The following ROCK2 variants were observed in gnomAD, a reference collection of about 807,000 sequenced individuals.
ROCK2 encodes rho-associated protein kinase 2.
A neutral mutation model predicts 195.1 loss-of-function variants in ROCK2; 61 were observed. The ratio of observed to expected loss-of-function variants is 0.31; its 90% CI spans 0.25 to 0.39. The LOEUF is 0.39. ROCK2 is among the 10% of genes least tolerant of loss of function. ROCK2 has a pLI of 1.00. For missense variants in ROCK2, 1,109 were observed against 1,637.4 expected, an observed-to-expected ratio of 0.68 and a Z score of 5.57; for synonymous variants, 504 against 545.5, an observed-to-expected ratio of 0.92 and a Z score of 1.06.
intron 1 of ROCK2, among the ~76,000 whole-genome samples, chr2:11,317,381 A>T (rs1668227259): frequency 6.6e-6 from 1 of 151,386 alleles, no homozygotes. Flanking sequence ...ATTGAATATT[A>T]ACTCTACCAA....
intron 3 of ROCK2, among the ~76,000 whole-genome samples, chr2:11,279,621 C>G (rs555271221): frequency 1.5e-4 from 23 of 152,152 alleles, no homozygotes; most frequent in Non-Finnish European, 2.5e-4. Flanking sequence ...ATGGACAGAT[C>G]CAGCAGGCAG....
At position 11,344,113 on chromosome 2, in the gene ROCK2, C is replaced by G. The variant is rs1231860496; in HGVS notation, c.24G>C (p.Gly8=). ...CGGTCTCGGGGGCGCCGGGCATTTT[C>G]CCCGTCGGCGGGGGCCGGCTCATGC... MSRPPPT[G]KMPGAPETAP... is the part of the protein sequence containing the mutation. Residue 8 remains glycine, a synonymous_variant, in exon 1 of 33, where the codon GGG becomes GGC. Coordinates refer to ENST00000315872, the MANE Select transcript of ROCK2 (RefSeq NM_004850.5). This position sits in a 1 kb window ranked among gnomAD's most constrained non-coding sequence, Gnocchi z 5.4. The G allele has an allele frequency of 6.7e-7, 1 of 1,495,310 alleles. No homozygotes were observed. The highest frequency in any genetic ancestry group is 1.5e-5 in the African/African-American group (1 of 66,708). 92.6% of individuals were successfully genotyped at this position (1,495,310 alleles called of 1,614,324 possible). A position where few individuals can be genotyped will look rare whatever the true frequency, so the allele number is the denominator to read the frequency against.
At chr2:11,227,460 C>T in intron 5 of ROCK2, 62 bp from the exon 6 acceptor site, 1 of 1,426,838 alleles carries the variant, frequency 7.0e-7, no homozygotes, top group Non-Finnish European at 9.6e-7. Flanking sequence ...CTTATAAATG[C>T]AATGAATCCA....
At chr2:11,272,806 G>T (rs1436349916) in intron 3 of ROCK2, among the ~76,000 whole-genome samples, 1 of 146,860 alleles carries the variant, frequency 6.8e-6, no homozygotes, top group African/African-American at 2.5e-5. Context: ...GGAGACAGAG[G>T]TTACAGTGAG....
At chr2:11,270,998 G>A (rs1332317733) in intron 3 of ROCK2, among the ~76,000 whole-genome samples, 1 of 150,904 alleles carries the variant, frequency 6.6e-6, no homozygotes, top group Admixed American at 6.6e-5. Flanking sequence ...TATAGTTTTA[G>A]GTTCTACAAT....
At chr2:11,190,386 A>G (rs1235988989) in intron 32 of ROCK2, among the ~76,000 whole-genome samples, 5 of 152,012 alleles carry the variant, frequency 3.3e-5, no homozygotes, top group Admixed American at 2.0e-4. Context: ...AAAAAAAGTA[A>G]CAAAAATCAA....
chr2:11,302,191 T>C (rs1045790758), intron 1 of ROCK2, among the ~76,000 whole-genome samples: 1 of 152,216 alleles, frequency 6.6e-6, no homozygotes, highest in African/African-American at 2.4e-5. Context: ...CTTGTTTCCC[T>C]GCCTCTAATC....
intron 1 of ROCK2, among the ~76,000 whole-genome samples, chr2:11,296,390 C>T (rs1469180935): frequency 3.3e-5 from 5 of 152,144 alleles, no homozygotes; most frequent in Non-Finnish European, 5.9e-5. Context: ...TCTTCCCAGC[C>T]TGTTTCTAGT....
intron 1 of ROCK2, among the ~76,000 whole-genome samples, chr2:11,299,990 A>T (rs553935657): frequency 6.6e-6 from 1 of 152,310 alleles, no homozygotes; most frequent in South Asian, 2.1e-4. Flanking sequence ...ATAAAGAATG[A>T]TGAGCAAGTC....
At chr2:11,297,764 G>C (rs1309012343) in intron 1 of ROCK2, among the ~76,000 whole-genome samples, 3 of 151,964 alleles carry the variant, frequency 2.0e-5, no homozygotes, top group East Asian at 3.9e-4. Flanking sequence ...CATTATATTA[G>C]GTCAGCCATG....
chr2:11,343,836 G>A (rs1669190056), intron 1 of ROCK2, among the ~76,000 whole-genome samples, 160 bp downstream of exon 1: 1 of 152,214 alleles, frequency 6.6e-6, no homozygotes, highest in South Asian at 2.1e-4. Flanking sequence ...TTGGAACTCG[G>A]TGACAGAATC....
In ROCK2 at chr2:11,198,734, T is replaced by C. The variant is rs1273601241; in HGVS notation, c.2951A>G (p.Asn984Ser). The stretch of plus-strand genomic sequence containing the variant: ...TAATTCTTCTTTCTCATTTGCAAGA[T>C]TGGCAACATCACTAGTTAGTGTCCT... ...TNRTLTSDVA[N>S]LANEKEELNN... The change falls in exon 24 of 33, where the codon AAT (asparagine) becomes AGT (serine). Residue 984 changes from asparagine (N) to serine (S), a missense_variant. Asn to Ser is a conservative substitution (Grantham distance 46). This residue lies in a region of ROCK2 where 542 missense variants were observed against 672.0 expected (regional missense o/e 0.81). Transcript: ENST00000315872. 1 of 1,610,562 alleles carries C rather than the reference T, an allele frequency of 6.2e-7. No individual in the cohort carries two copies. Among genetic ancestry groups the C allele is most frequent in the Non-Finnish European group, 8.5e-7 (1 of 1,178,452 alleles).
rs745722011 is a variant in ROCK2, at chr2:11,344,060, C to A, written c.77G>T (p.Arg26Leu). Residue 26 changes from arginine (R) to leucine (L), a missense_variant, in exon 1 of 33, where the codon CGC becomes CTC. Around this residue, in one of 6 missense-constraint regions of ROCK2, gnomAD observed 64 missense variants for 62.4 expected, o/e 1.03. Coordinates refer to ENST00000315872, the MANE Select transcript of ROCK2 (RefSeq NM_004850.5). This position sits in a 1 kb window ranked among gnomAD's most constrained non-coding sequence, Gnocchi z 5.4. ...TAPGDGAGAS[R>L]QRKLEALIRD... ...GATCAGCGCCTCCAGCTTCCTCTGG[C>A]GGCTCGCGCCTGCCCCGTCCCCCGG... 2.5e-6 allele frequency: 4 copies of A among 1,585,250 alleles called. No homozygotes were observed. In the East Asian group the frequency reaches 7.4e-5, roughly 29 times the overall value.
At chr2:11,215,744 A>G (rs938558210) in intron 13 of ROCK2, 99 bp from the exon 14 acceptor site, 4 of 1,008,366 alleles carry the variant, frequency 4.0e-6, no homozygotes, top group Non-Finnish European at 5.6e-6. Context: ...AAGATCTCAA[A>G]AAGGCTTTCA....
At chr2:11,315,649 T>C (rs533133847) in intron 1 of ROCK2, among the ~76,000 whole-genome samples, 4 of 152,148 alleles carry the variant, frequency 2.6e-5, no homozygotes, top group Non-Finnish European at 5.9e-5. Flanking sequence ...AAGTCCTATT[T>C]GTCTGTTAAA....
At chr2:11,325,129 T>C (rs1558394896) in intron 1 of ROCK2, among the ~76,000 whole-genome samples, 1 of 152,210 alleles carries the variant, frequency 6.6e-6, no homozygotes, top group Non-Finnish European at 1.5e-5. Context: ...ACCCTTAACA[T>C]GGGTTTGAAC....
chr2:11,326,196 G>C (rs1047055620), intron 1 of ROCK2, among the ~76,000 whole-genome samples: 1 of 151,236 alleles, frequency 6.6e-6, no homozygotes. Flanking sequence ...TAAAGTCCTG[G>C]AAAAGATACA....
intron 1 of ROCK2, among the ~76,000 whole-genome samples, chr2:11,327,814 T>C (rs1170558850): frequency 6.6e-6 from 1 of 152,166 alleles, no homozygotes; most frequent in Non-Finnish European, 1.5e-5. Context: ...CTGCCCACCT[T>C]GGCCTCCCAA....
At chr2:11,326,635 GT>G (rs1367617422) in intron 1 of ROCK2, among the ~76,000 whole-genome samples, 1 of 152,130 alleles carries the variant, frequency 6.6e-6, no homozygotes, top group Non-Finnish European at 1.5e-5. Flanking sequence ...ATGTCTAGGG[GT>G]ATTTTGGTTG....
Sources: allele counts gnomAD v4.1 joint callset (sites outside exome capture counted in the v4.1 genomes callset), GRCh38; gene constraint gnomAD v4.1.1; regional missense constraint gnomAD v4.1.1; non-coding constraint Gnocchi (gnomAD v3.1); transcripts MANE v1.5; gene names NCBI Gene and HGNC (gene_info 2026-07-23, HGNC 2026-07-21).